The following GSE1 variants were observed in gnomAD, a reference collection of about 807,000 sequenced individuals.
The protein encoded by GSE1 is genetic suppressor element 1.
GSE1 carries 32 observed loss-of-function variants against 112.6 expected under a neutral mutation model. That is an observed-to-expected ratio of 0.28 (90% confidence interval 0.21 to 0.38). GSE1 has a LOEUF of 0.38. GSE1 is among the 10% of genes least tolerant of loss of function. GSE1 has a pLI of 1.00. For synonymous variants in GSE1, 1,115 were observed against 735.6 expected (o/e 1.52, Z -8.35); for missense variants, 2,348 against 1,699.2 (o/e 1.38, Z -6.71).
chr16:85,194,780 C>G (rs1249248369), intron 1 of GSE1, among the ~76,000 whole-genome samples: 1 of 152,170 alleles, frequency 6.6e-6, no homozygotes, highest in East Asian at 1.9e-4. Context: ...AAGACCTTCT[C>G]TCCAGGGTGC....
intron 1 of GSE1, among the ~76,000 whole-genome samples, chr16:85,266,679 T>G: frequency 8.2e-6 from 1 of 122,274 alleles, no homozygotes; most frequent in African/African-American, 3.1e-5. Flanking sequence ...AGGGGTGGTT[T>G]GGGGCCTGCC....
chr16:85,554,606 A>G (rs998427523), upstream of GSE1, among the ~76,000 whole-genome samples: 5 of 152,064 alleles, frequency 3.3e-5, no homozygotes, highest in African/African-American at 1.2e-4. Context: ...GAAAGGAGGG[A>G]AACAAACCGC....
rs1057191857 is a variant in GSE1, at chr16:85,499,209, A to T, written c.2465-134705A>T. On this transcript the variant is annotated intron_variant, in intron 2 of 2. Transcript: ENST00000637419. ...CCAAGGCCTGGGCACAGTGAAGCTC[A>T]TAGGATCTGCGGCATGAAGGACAAC... Among the ~76,000 whole-genome samples the T allele has an allele frequency of 2.6e-5, 4 of 151,328 alleles. No individual in the cohort carries two copies. The East Asian group carries it at 5.8e-4, about 22-fold the overall frequency.
intron 1 of GSE1, among the ~76,000 whole-genome samples, chr16:85,253,052 GCCCCCGCCCCCCCCCCA>G (rs1415065663): frequency 3.8e-5 from 2 of 52,432 alleles, no homozygotes; most frequent in African/African-American, 1.9e-4. Flanking sequence ...GCTCATAGGC[GCCCCCGCCCCCCCCCCA>G]CCCCCCCCCC....
At position 85,654,900 on chromosome 16, in the gene GSE1, C is replaced by A. The variant is rs764185314; in HGVS notation, c.706C>A (p.Leu236Met). The part of the protein sequence containing the change: ...HTTDDLRMSS[L>M]PPLGLDPATA... ...CACCGACGACCTCCGCATGTCCTCACTGCCTCCCCTCGGCCTGGACCCGGC... is the reference window on the plus strand; with the variant it reads ...CACCGACGACCTCCGCATGTCCTCAATGCCTCCCCTCGGCCTGGACCCGGC... The change falls in exon 5 of 16, where the codon CTG (leucine) becomes ATG (methionine). Residue 236 changes from leucine to methionine, a missense_variant. Transcript: ENST00000253458. The A allele has an allele frequency of 6.2e-7, 1 of 1,611,950 alleles. No homozygotes were observed. Among genetic ancestry groups the A allele is most frequent in the East Asian group, 2.2e-5 (1 of 44,864 alleles).
In GSE1 at chr16:85,395,351, C is replaced by T. The variant is rs139710641; in HGVS notation, c.2464+37708C>T. 6.8e-3 allele frequency among the ~76,000 whole-genome samples: 1,034 copies of T among 152,280 alleles called. 10 individuals carry two copies. The highest frequency in any genetic ancestry group is 0.023 in the African/African-American group (940 of 41,564). Reference sequence around the variant, plus strand: ...GGAGAAGCAGCAGCTAAGATGATCGCGCCCTGCTGTGTGCCAGGCTCCTCA... The same window carrying T: ...GGAGAAGCAGCAGCTAAGATGATCGTGCCCTGCTGTGTGCCAGGCTCCTCA... On this transcript the variant is annotated intron_variant, in intron 2 of 2. Coordinates refer to the GSE1 transcript ENST00000637419.
At position 85,311,467 on chromosome 16, in the gene GSE1, C is replaced by T. The variant is rs1400797025; in HGVS notation, c.2284-45996C>T. Among the ~76,000 whole-genome samples the T allele has an allele frequency of 1.4e-5, 2 of 140,616 alleles. No homozygotes were observed. Among genetic ancestry groups the T allele is most frequent in the African/African-American group, 2.5e-5 (1 of 39,532 alleles). The allele number at this position is 140,616 out of a possible 152,430, so 92.2% of individuals were successfully genotyped here. ...AGAGCTGCTGGGGACAGGACGTGGG[C>T]GGAGCCCTCGGCTGCCTCCCACCGT... On this transcript the variant is annotated intron_variant, in intron 1 of 2. Transcript: ENST00000637419. The surrounding 1 kb of genome is among the most constrained non-coding windows in gnomAD (Gnocchi z 4.2).
intron 1 of GSE1, among the ~76,000 whole-genome samples, chr16:85,266,548 AT>A (rs1257973974): frequency 6.6e-6 from 1 of 152,078 alleles, no homozygotes; most frequent in East Asian, 1.9e-4. Context: ...GCTGAGGCTG[AT>A]GGGTCTCCAA....
intron 2 of GSE1, chr16:85,359,199 G>C: frequency 2.9e-6 from 1 of 346,560 alleles, no homozygotes; most frequent in African/African-American, 2.1e-5. Flanking sequence ...AGGCAGAGGA[G>C]GACACCAGTG....
chr16:85,245,435 CT>C (rs1488330726), intron 1 of GSE1, among the ~76,000 whole-genome samples: 1 of 152,152 alleles, frequency 6.6e-6, no homozygotes, highest in Non-Finnish European at 1.5e-5. Context: ...GGCAGAGCCT[CT>C]GCCTGACACA....
In GSE1 at chr16:85,419,100, C is replaced by T. The variant is rs1014556560; in HGVS notation, c.2464+61457C>T. On this transcript the variant is annotated intron_variant, in intron 2 of 2. Transcript: ENST00000637419. The surrounding 1 kb of genome is among the most constrained non-coding windows in gnomAD (Gnocchi z 6.5). ...TGTGGGCGTCCCAGCGCACAGATGG[C>T]GTGTAAAGCTGGGAGACTGGGGAGA... Among the ~76,000 whole-genome samples the T allele has an allele frequency of 5.9e-5, 9 of 152,034 alleles. No homozygotes were observed. Among genetic ancestry groups the T allele is most frequent in the East Asian group, 5.8e-4 (3 of 5,178 alleles).
At chr16:85,244,607 T>C (rs1474774642) in intron 1 of GSE1, among the ~76,000 whole-genome samples, 2 of 152,110 alleles carry the variant, frequency 1.3e-5, no homozygotes, top group Non-Finnish European at 2.9e-5. Context: ...CCTAGCACGA[T>C]GGGAGGCTGA....
intron 2 of GSE1, among the ~76,000 whole-genome samples, chr16:85,451,337 C>T (rs1310163207): frequency 1.3e-5 from 2 of 152,218 alleles, no homozygotes; most frequent in Non-Finnish European, 2.9e-5. Context: ...GTCATGTAGG[C>T]GGAGGCGTTC....
intron 2 of GSE1, among the ~76,000 whole-genome samples, chr16:85,498,452 C>T (rs894410849): frequency 2.0e-5 from 3 of 152,066 alleles, no homozygotes; most frequent in South Asian, 2.1e-4. Flanking sequence ...CCCATGCATA[C>T]GGATGTGCAT....
At chr16:85,507,139 G>A (rs993559778) in intron 2 of GSE1, among the ~76,000 whole-genome samples, 11 of 152,314 alleles carry the variant, frequency 7.2e-5, no homozygotes, top group South Asian at 6.2e-4. Context: ...CGTCGTCGAC[G>A]CTCGCCGGCC....
chr16:85,450,967 G>C (rs145248871), intron 2 of GSE1, among the ~76,000 whole-genome samples: 1 of 150,868 alleles, frequency 6.6e-6, no homozygotes, highest in African/African-American at 2.4e-5. Context: ...CCAGCTACTA[G>C]GGAGGCCAAG....
intron 1 of GSE1, among the ~76,000 whole-genome samples, chr16:85,616,699 C>T (rs920151761): frequency 5.9e-5 from 9 of 152,016 alleles, no homozygotes; most frequent in Non-Finnish European, 1.3e-4. Context: ...ATTCCTCCCC[C>T]AGTGGAGTCT....
chr16:85,382,905 T>C (rs1424222972), intron 2 of GSE1, among the ~76,000 whole-genome samples: 8 of 149,678 alleles, frequency 5.3e-5, no homozygotes, highest in South Asian at 2.1e-4. Flanking sequence ...CGCATACACT[T>C]GTGCACACAT....
intron 1 of GSE1, among the ~76,000 whole-genome samples, chr16:85,316,194 C>T (rs967898838): frequency 1.3e-5 from 2 of 152,254 alleles, no homozygotes; most frequent in African/African-American, 4.8e-5. Flanking sequence ...TTTCAGTTTC[C>T]TACTAGCCAC....
Sources: gnomAD v4.1 joint callset for allele counts (sites outside exome capture counted in the v4.1 genomes callset) on GRCh38, gnomAD v4.1.1 for gene constraint, Gnocchi (gnomAD v3.1) non-coding constraint, MANE v1.5 for transcripts, NCBI Gene and HGNC (gene_info 2026-07-23, HGNC 2026-07-21) for gene names.